C9orf85: variants seen among roughly 807,000 people sequenced by gnomAD.
The protein encoded by C9orf85 is chromosome 9 open reading frame 85.
C9orf85 carries 16 observed loss-of-function variants against 14.9 expected under a neutral mutation model. The ratio of observed to expected loss-of-function variants is 1.08; its 90% CI spans 0.73 to 1.63. The LOEUF (loss-of-function observed/expected upper bound fraction) is 1.63, where lower values mean the gene tolerates loss of function less well. Ranked by LOEUF, C9orf85 falls within the 40% of genes most tolerant of loss-of-function variation. C9orf85 has a pLI of 0.00. For synonymous variants in C9orf85, 45 were observed against 56.8 expected, an observed-to-expected ratio of 0.79 and a Z score of 0.93; for missense variants, 172 against 186.1, an observed-to-expected ratio of 0.92 and a Z score of 0.44.
At chr9:71,981,778 C>A (rs1169580965) in intron 3 of C9orf85, among the ~76,000 whole-genome samples, 1 of 152,036 alleles carries the variant, frequency 6.6e-6, no homozygotes, top group Non-Finnish European at 1.5e-5. Context: ...GAATTCTTGG[C>A]CTGGAAATGG....
chr9:71,946,151 A>G (rs1366515644), intron 1 of C9orf85, among the ~76,000 whole-genome samples: 3 of 152,212 alleles, frequency 2.0e-5, no homozygotes, highest in African/African-American at 7.2e-5. Flanking sequence ...AGTAGGGGGA[A>G]CTTTTCTAAA....
At chr9:71,944,802 T>A (rs990402433) in intron 1 of C9orf85, among the ~76,000 whole-genome samples, 1 of 152,158 alleles carries the variant, frequency 6.6e-6, no homozygotes, top group Admixed American at 6.5e-5. Context: ...TTACTCTCAT[T>A]AATTTCTTAA....
intron 2 of C9orf85, among the ~76,000 whole-genome samples, chr9:71,957,954 T>C (rs1822420746): frequency 6.6e-6 from 1 of 152,136 alleles, no homozygotes; most frequent in Non-Finnish European, 1.5e-5. Context: ...ACTGGTATTT[T>C]GGAAGTGCAG....
Position 71,954,231 on chromosome 9 carries a change from T to C in C9orf85, c.209+7119T>C, listed in dbSNP as rs78263606. Among the ~76,000 whole-genome samples the C allele has an allele frequency of 6.6e-3, 986 of 148,870 alleles. 5 individuals are homozygous for C. The highest frequency in any genetic ancestry group is 0.014 in the South Asian group (63 of 4,542). ...TTTGTCAGCAGAGAAGTTCTGCTTT[T>C]ATATGTGTACTATAATGTGAGAGTT... On this transcript the variant is annotated intron_variant, in intron 2 of 3. Coordinates refer to ENST00000334731, the MANE Select transcript of C9orf85 (RefSeq NM_182505.5).
At chr9:71,948,296 T>C (rs1162206348) in intron 2 of C9orf85, among the ~76,000 whole-genome samples, 2 of 152,170 alleles carry the variant, frequency 1.3e-5, no homozygotes, top group Non-Finnish European at 2.9e-5. Context: ...AATATGACCT[T>C]TGTTTATATC....
intron 1 of C9orf85, among the ~76,000 whole-genome samples, chr9:71,927,281 A>G (rs1304217472): frequency 6.6e-6 from 1 of 151,520 alleles, no homozygotes; most frequent in East Asian, 1.9e-4. Context: ...AAAAAAAAAA[A>G]AAAAGTATAC....
intron 2 of C9orf85, among the ~76,000 whole-genome samples, chr9:71,957,772 G>C (rs991414647): frequency 6.6e-6 from 1 of 152,012 alleles, no homozygotes; most frequent in African/African-American, 2.4e-5. Flanking sequence ...ACTATAAATA[G>C]CTGAGAAAAC....
rs544496699 is a variant in C9orf85 at position 71,972,178 on chromosome 9, T to G, written c.324-514T>G. ...ACACATTATTTAACAACTTTTCTTT[T>G]AATAGACATCATATATTAATTTATT... On this transcript the variant is annotated intron_variant, in intron 3 of 3. Coordinates refer to ENST00000334731, the MANE Select transcript of C9orf85 (RefSeq NM_182505.5). 5.9e-5 allele frequency among the ~76,000 whole-genome samples: 9 copies of G among 152,354 alleles called. No homozygotes were observed. In the East Asian group the frequency reaches 9.6e-4, roughly 16 times the overall value.
At chr9:71,968,404 G>A (rs1331103402) in intron 2 of C9orf85, among the ~76,000 whole-genome samples, 2 of 149,954 alleles carry the variant, frequency 1.3e-5, no homozygotes, top group Non-Finnish European at 3.0e-5. Flanking sequence ...AAGCCATTTG[G>A]GCCTGGAGTT....
chr9:71,939,919 C>G (rs992983856), intron 1 of C9orf85, among the ~76,000 whole-genome samples: 1 of 151,990 alleles, frequency 6.6e-6, no homozygotes, highest in African/African-American at 2.4e-5. Context: ...CTATGTACAA[C>G]CAAAAATTAA....
intron 3 of C9orf85, among the ~76,000 whole-genome samples, chr9:71,972,243 A>C (rs1822895212): frequency 6.6e-6 from 1 of 152,016 alleles, no homozygotes; most frequent in Non-Finnish European, 1.5e-5. Context: ...AATTGGTTGG[A>C]TCTCAAGTTA....
chr9:71,949,049 CAT>C (rs1822176847), intron 2 of C9orf85, among the ~76,000 whole-genome samples: 1 of 152,158 alleles, frequency 6.6e-6, no homozygotes, highest in Non-Finnish European at 1.5e-5. Context: ...CAAAATAAAT[CAT>C]GTAGTTTTAG....
intron 1 of C9orf85, among the ~76,000 whole-genome samples, chr9:71,919,452 TC>T (rs1827736993): frequency 6.6e-6 from 1 of 152,242 alleles, no homozygotes; most frequent in Non-Finnish European, 1.5e-5. Flanking sequence ...TACAGATGAT[TC>T]TAGTGTTATA....
intron 1 of C9orf85, among the ~76,000 whole-genome samples, chr9:71,927,158 G>A (rs1173965715): frequency 6.6e-6 from 1 of 151,348 alleles, no homozygotes; most frequent in Non-Finnish European, 1.5e-5. Context: ...GTAGGGTAAG[G>A]TCTACAAAAT....
chr9:71,911,957 T>G, intron 1 of C9orf85, 121 bp downstream of exon 1: 1 of 825,372 alleles, frequency 1.2e-6, no homozygotes, highest in Non-Finnish European at 2.1e-6. Flanking sequence ...GAGTTAGTCT[T>G]GGCTGCAGTG....
downstream of C9orf85, among the ~76,000 whole-genome samples, chr9:71,978,132 C>T (rs1009676045): frequency 1.2e-4 from 18 of 152,052 alleles, 1 homozygote; most frequent in Admixed American, 5.9e-4. Context: ...TTTTTTGAGA[C>T]GGAGTCTCAC....
At chr9:71,916,257 C>G (rs1564080854) in intron 1 of C9orf85, among the ~76,000 whole-genome samples, 1 of 152,132 alleles carries the variant, frequency 6.6e-6, no homozygotes, top group Non-Finnish European at 1.5e-5. Context: ...GGAGGAGCAT[C>G]TGTCATCCTT....
chr9:71,943,023 A>G (rs1373369522), intron 1 of C9orf85, among the ~76,000 whole-genome samples: 2 of 152,152 alleles, frequency 1.3e-5, no homozygotes, highest in Non-Finnish European at 2.9e-5. Context: ...AATTTAGAAT[A>G]AGGGACTCTT....
chr9:71,978,373 G>C (rs539466910), downstream of C9orf85, among the ~76,000 whole-genome samples: 1 of 152,176 alleles, frequency 6.6e-6, no homozygotes, highest in Admixed American at 6.5e-5. Flanking sequence ...GCCTCCCAAA[G>C]TGCTGAGATT....
Sources: gnomAD v4.1 joint callset for allele counts (sites outside exome capture counted in the v4.1 genomes callset) on GRCh38, gnomAD v4.1.1 for gene constraint, MANE v1.5 for transcripts, NCBI Gene and HGNC (gene_info 2026-07-23, HGNC 2026-07-21) for gene names.